UNC50: variants seen among roughly 807,000 people sequenced by gnomAD.
UNC50 encodes protein unc-50 homolog.
Under a neutral mutation model 31.5 loss-of-function variants are expected in UNC50, and 24 were observed. The ratio of observed to expected loss-of-function variants is 0.76; its 90% CI spans 0.55 to 1.07. The LOEUF (loss-of-function observed/expected upper bound fraction) is 1.07, where lower values mean the gene tolerates loss of function less well. UNC50 is among the 50% of genes least tolerant of loss of function. The probability of loss-of-function intolerance (pLI) is 0.00; values close to 1 mark genes in which losing one functional copy is unlikely to be tolerated. For missense variants in UNC50, 245 were observed against 304.2 expected (o/e 0.81, Z 1.45); for synonymous variants, 118 against 114.7 (o/e 1.03, Z -0.18).
At chr2:98,616,128 T>C (rs938199797) in intron 3 of UNC50, 79 bp from the exon 4 acceptor site, 1 of 1,422,986 alleles carries the variant, frequency 7.0e-7, no homozygotes, top group African/African-American at 1.4e-5. Flanking sequence ...GAATTTAGAA[T>C]GTCTGCCGCA....
chr2:98,617,734 G>C (rs957242154), intron 5 of UNC50, among the ~76,000 whole-genome samples: 1 of 152,138 alleles, frequency 6.6e-6, no homozygotes, highest in African/African-American at 2.4e-5. Flanking sequence ...GGGGTATAAT[G>C]CTTTACACTG....
chr2:98,611,293 T>C (rs926073966), intron 3 of UNC50, among the ~76,000 whole-genome samples: 5 of 152,198 alleles, frequency 3.3e-5, no homozygotes, highest in Admixed American at 3.3e-4. Context: ...GAGACATCAG[T>C]CAATATGTGT....
At chr2:98,613,821 C>A (rs1700877536) in intron 3 of UNC50, among the ~76,000 whole-genome samples, 1 of 152,166 alleles carries the variant, frequency 6.6e-6, no homozygotes, top group Non-Finnish European at 1.5e-5. Context: ...GTGTGAGGAA[C>A]TAGAAAGAGA....
chr2:98,618,125 T>TA lies in UNC50; in HGVS notation c.644-43_644-42insA, dbSNP rs201608454. ...AAATGTTCATTTATTAGTCATTTAT[T>TA]TTTTTTTTTTTTTAAATCAGTTTGG... On this transcript the variant is annotated intron_variant, in intron 5 of 5. Transcript: ENST00000357765. 1,772 of 1,374,036 alleles carry TA rather than the reference T, an allele frequency of 1.3e-3. 4 individuals carry two copies. Among genetic ancestry groups the TA allele is most frequent in the African/African-American group, 8.4e-3 (545 of 64,782 alleles). The allele number at this position is 1,374,036 out of a possible 1,614,324, so 85.1% of individuals were successfully genotyped here. A position where few individuals can be genotyped will look rare whatever the true frequency, so the allele number is the denominator to read the frequency against.
chr2:98,608,941 C>T (rs1052806230), intron 1 of UNC50: 12 of 196,388 alleles, frequency 6.1e-5, no homozygotes, highest in Admixed American at 1.2e-4. Context: ...TAAGCATGTC[C>T]GAAATGTTGC....
chr2:98,617,707 C>CTTAA (rs1700953795), intron 5 of UNC50, among the ~76,000 whole-genome samples: 3 of 152,200 alleles, frequency 2.0e-5, no homozygotes, highest in African/African-American at 7.2e-5. Flanking sequence ...TAGTTGAGCT[C>CTTAA]ACACCCTCTT....
rs1182929794 is a variant in UNC50 at position 98,618,283 on chromosome 2, C to A, written c.759C>A (p.Phe253Leu). 1.2e-6 allele frequency: 2 copies of A among 1,605,804 alleles called. No homozygotes were observed. The highest frequency in any genetic ancestry group is 2.7e-5 in the African/African-American group (2 of 74,320). The part of the protein sequence containing the change: ...GWNFTHTLCS[F>L]YKYRVK ...ACTTCACCCATACTCTCTGTTCTTT[C>A]TATAAGTACAGAGTGAAATAAAAAG... The change falls in exon 6 of 6, where the codon TTC becomes TTA. Residue 253 changes from phenylalanine (F) to leucine (L), a missense_variant. Phe to Leu is a conservative substitution (Grantham distance 22). Transcript: ENST00000357765.
At chr2:98,611,503 G>C (rs1354877943) in intron 3 of UNC50, among the ~76,000 whole-genome samples, 1 of 152,210 alleles carries the variant, frequency 6.6e-6, no homozygotes, top group Admixed American at 6.5e-5. Flanking sequence ...CAATGGGGCA[G>C]AGGAAGCAAT....
In UNC50 at chr2:98,608,612, C is replaced by T. The variant is rs1243080696; in HGVS notation, c.-119C>T. The T allele has an allele frequency of 1.3e-5, 8 of 599,862 alleles. No individual in the cohort carries two copies. The highest frequency in any genetic ancestry group is 4.3e-4 in the Middle Eastern group (1 of 2,310). 37.2% of individuals were successfully genotyped at this position (599,862 alleles called of 1,614,324 possible). ...TCGGTTCCCGTGACGCGGCGCGCCC[C>T]AAGGGCCGGCTCCGTTGAGGGAAGG... On this transcript the variant is annotated 5_prime_UTR_variant, in exon 1 of 6. Coordinates refer to ENST00000357765, the MANE Select transcript of UNC50 (RefSeq NM_014044.7).
chr2:98,618,086 T>C (rs1230809688), intron 5 of UNC50, 82 bp from the exon 6 acceptor site: 3 of 1,359,528 alleles, frequency 2.2e-6, no homozygotes, highest in Non-Finnish European at 2.9e-6. Context: ...CATGTTGAAG[T>C]AAGCTGTCTT....
Position 98,618,342 on chromosome 2 carries a change from G to C in UNC50, c.*38G>C, listed in dbSNP as rs371736228. 1.1e-4 allele frequency: 163 copies of C among 1,539,742 alleles called. No individual in the cohort carries two copies. Among genetic ancestry groups the C allele is most frequent in the Non-Finnish European group, 1.3e-4 (152 of 1,145,116 alleles). On this transcript the variant is annotated 3_prime_UTR_variant, in exon 6 of 6. Transcript: ENST00000357765. ...AGATTCAATCGTAACTGTGTCAACA[G>C]TATTGTGAAGTGATCATTTCTTGTA...
In UNC50 at chr2:98,618,412, T is replaced by TAA. The variant is rs1039245504; in HGVS notation, c.*110_*111dup. 3.2e-6 allele frequency: 4 copies of TAA among 1,246,224 alleles called. No individual in the cohort carries two copies. The highest frequency in any genetic ancestry group is 2.8e-5 in the East Asian group (1 of 36,350). The allele number at this position is 1,246,224 out of a possible 1,614,324, so 77.2% of individuals were successfully genotyped here. On this transcript the variant is annotated 3_prime_UTR_variant, in exon 6 of 6. Transcript: ENST00000357765. ...CATCTTTGTAGATATCTTAAAGGTG[T>TAA]AAAGTTTGCAAATTTGAAGAAATAT... is the stretch of plus-strand genomic sequence containing the variant.
chr2:98,617,658 T>C (rs1005502297), intron 5 of UNC50, among the ~76,000 whole-genome samples: 5 of 152,218 alleles, frequency 3.3e-5, no homozygotes, highest in African/African-American at 1.2e-4. Flanking sequence ...CAGACTTTTA[T>C]ATTTAAGAGT....
intron 3 of UNC50, among the ~76,000 whole-genome samples, chr2:98,613,581 C>T (rs1441905577): frequency 6.6e-6 from 1 of 151,836 alleles, no homozygotes; most frequent in Non-Finnish European, 1.5e-5. Context: ...GTGAGACTCA[C>T]TGACTATCAC....
chr2:98,617,546 AGTTT>A (rs1376948712), intron 5 of UNC50, among the ~76,000 whole-genome samples: 1 of 144,470 alleles, frequency 6.9e-6, no homozygotes, highest in Non-Finnish European at 1.5e-5. Flanking sequence ...AGTACAGCTC[AGTTT>A]GTTTAAGAAC....
intron 1 of UNC50, chr2:98,609,345 T>G (rs1292712372): frequency 4.0e-6 from 1 of 252,198 alleles, no homozygotes; most frequent in African/African-American, 2.2e-5. Context: ...ACCTCTTCAG[T>G]AACACTGTTC....
At chr2:98,609,497 T>C in intron 1 of UNC50, 1 of 554,120 alleles carries the variant, frequency 1.8e-6, no homozygotes, top group East Asian at 3.1e-5. Context: ...GTCTCTGTAA[T>C]GGTAGCTGCC....
chr2:98,618,279 C>T lies in UNC50; in HGVS notation c.755C>T (p.Ser252Phe). The T allele has an allele frequency of 1.2e-6, 2 of 1,608,552 alleles. No homozygotes were observed. The highest frequency in any genetic ancestry group is 2.2e-5 in the East Asian group (1 of 44,826). The change falls in exon 6 of 6, where the codon TCT (serine) becomes TTT (phenylalanine). Residue 252 changes from serine (S) to phenylalanine (F), a missense_variant. By Grantham distance (155) the Ser-to-Phe change is radical. Transcript: ENST00000357765. ...TGGAACTTCACCCATACTCTCTGTT[C>T]TTTCTATAAGTACAGAGTGAAATAA... The part of the protein sequence containing the change: ...LGWNFTHTLC[S>F]FYKYRVK
At chr2:98,614,606 G>A (rs774491360) in intron 3 of UNC50, among the ~76,000 whole-genome samples, 3 of 152,202 alleles carry the variant, frequency 2.0e-5, no homozygotes, top group Admixed American at 6.5e-5. Flanking sequence ...AGGCACATCT[G>A]TCTTTCAGAG....
Sources: allele counts gnomAD v4.1 joint callset (sites outside exome capture counted in the v4.1 genomes callset), GRCh38; gene constraint gnomAD v4.1.1; transcripts MANE v1.5; gene names NCBI Gene and HGNC (gene_info 2026-07-23, HGNC 2026-07-21).